BICC1: variants seen among roughly 807,000 people sequenced by gnomAD.
BICC1 encodes BicC family RNA binding protein 1, also known as protein bicaudal C homolog 1.
In BICC1, 43 loss-of-function variants were observed where a neutral mutation model predicts 111.0. The ratio of observed to expected loss-of-function variants is 0.39; its 90% CI spans 0.30 to 0.50. The LOEUF (loss-of-function observed/expected upper bound fraction) is 0.50. Ranked by LOEUF, BICC1 falls within the 20% of genes least tolerant of loss-of-function variation. The probability of loss-of-function intolerance (pLI) is 0.88; values close to 1 mark genes in which losing one functional copy is unlikely to be tolerated. For synonymous variants in BICC1, 467 were observed against 434.4 expected (o/e 1.07, Z -0.93); for missense variants, 1,091 against 1,203.2 (o/e 0.91, Z 1.38).
intron 20 of BICC1, among the ~76,000 whole-genome samples, chr10:58,828,351 C>A (rs908809044): frequency 2.0e-4 from 30 of 152,120 alleles, no homozygotes; most frequent in Admixed American, 1.2e-3. Context: ...TTTTCTGTGC[C>A]ATCAGTCATA....
intron 1 of BICC1, among the ~76,000 whole-genome samples, chr10:58,577,162 C>A (rs1240060473): frequency 2.6e-5 from 4 of 152,086 alleles, no homozygotes; most frequent in Admixed American, 2.6e-4. Context: ...ACTTACCATT[C>A]AGTGGGTGCC....
At chr10:58,788,467 ATTTGCAT>A in intron 6 of BICC1, 44 bp downstream of exon 6, 2 of 1,325,134 alleles carry the variant, frequency 1.5e-6, no homozygotes, top group South Asian at 2.4e-5. Context: ...TGTCAGCAAC[ATTTGCAT>A]TATAAGGCAC....
intron 10 of BICC1, 27 bp from the exon 11 acceptor site, chr10:58,798,372 T>A (rs759494249): frequency 6.6e-7 from 1 of 1,509,340 alleles, no homozygotes; most frequent in East Asian, 2.4e-5. Context: ...TTTATGTGAA[T>A]TGACTTTATA....
intron 2 of BICC1, among the ~76,000 whole-genome samples, chr10:58,621,543 T>C (rs1250145768): frequency 6.6e-6 from 1 of 152,104 alleles, no homozygotes; most frequent in Non-Finnish European, 1.5e-5. Flanking sequence ...CTGGATGCAG[T>C]GGCTCATGCC....
chr10:58,583,918 T>G (rs1331851019), intron 1 of BICC1, among the ~76,000 whole-genome samples: 1 of 152,144 alleles, frequency 6.6e-6, no homozygotes, highest in African/African-American at 2.4e-5. Context: ...TCCTCCTGCC[T>G]TGGCCTCCCA....
chr10:58,651,050 C>G (rs1035402718), intron 2 of BICC1, among the ~76,000 whole-genome samples: 5 of 152,138 alleles, frequency 3.3e-5, no homozygotes, highest in African/African-American at 1.2e-4. Context: ...TTACAAATTA[C>G]TTTTGTAGAC....
chr10:58,629,499 T>G (rs908342850), intron 2 of BICC1, among the ~76,000 whole-genome samples: 2 of 152,218 alleles, frequency 1.3e-5, no homozygotes, highest in Admixed American at 6.5e-5. Context: ...ACTGTAAGTT[T>G]TGCTAAGTAG....
chr10:58,546,478 T>C (rs748586861), intron 1 of BICC1, among the ~76,000 whole-genome samples: 11 of 152,122 alleles, frequency 7.2e-5, no homozygotes, highest in Non-Finnish European at 1.0e-4. Flanking sequence ...TTACGAAAAA[T>C]ATTTATGGGC....
At chr10:58,777,631 C>T (rs549720421) in intron 3 of BICC1, among the ~76,000 whole-genome samples, 1 of 152,234 alleles carries the variant, frequency 6.6e-6, no homozygotes, top group African/African-American at 2.4e-5. Flanking sequence ...CTGAAAATGC[C>T]TAAGGAATTT....
At chr10:58,618,360 C>A (rs943995158) in intron 1 of BICC1, among the ~76,000 whole-genome samples, 2 of 152,238 alleles carry the variant, frequency 1.3e-5, no homozygotes, top group African/African-American at 4.8e-5. Context: ...TACATAACCA[C>A]GTCACGTGAG....
intron 1 of BICC1, among the ~76,000 whole-genome samples, chr10:58,518,878 GCA>G (rs1435449587): frequency 6.6e-6 from 1 of 152,154 alleles, no homozygotes; most frequent in African/African-American, 2.4e-5. Context: ...CATGGAGCAA[GCA>G]CTCTCAGTCA....
At chr10:58,706,951 A>G (rs1388187033) in intron 3 of BICC1, among the ~76,000 whole-genome samples, 1 of 152,242 alleles carries the variant, frequency 6.6e-6, no homozygotes, top group Non-Finnish European at 1.5e-5. Context: ...GGTCAGCATG[A>G]GTGAAGCTTT....
chr10:58,818,167 G>C (rs555315221), intron 19 of BICC1, among the ~76,000 whole-genome samples: 1 of 152,062 alleles, frequency 6.6e-6, no homozygotes, highest in African/African-American at 2.4e-5. Flanking sequence ...GCTGAAGTCT[G>C]TTCTTACAGA....
chr10:58,523,852 AAAGTCT>A (rs1842459038), intron 1 of BICC1, among the ~76,000 whole-genome samples: 1 of 152,224 alleles, frequency 6.6e-6, no homozygotes, highest in East Asian at 1.9e-4. Context: ...CAACTTCAGC[AAAGTCT>A]TAGGATACAA....
At position 58,785,034 on chromosome 10, in the gene BICC1, A is replaced by T; in HGVS notation, c.341A>T (p.Asp114Val). The T allele has an allele frequency of 6.2e-7, 1 of 1,600,580 alleles. No homozygotes were observed. The highest frequency in any genetic ancestry group is 8.5e-7 in the Non-Finnish European group (1 of 1,172,426). ...PHIKVSGKKE[D>V]VKEAKEMIMS... ...ATTAAGGTTTCTGGAAAGAAAGAAG[A>T]TGTTAAAGAAGCCAAGGAAATGATC... Residue 114 changes from aspartate (D) to valine (V), a missense_variant, in exon 4 of 21, where the codon GAT becomes GTT. Asp to Val is a radical substitution (Grantham distance 152, BLOSUM62 -3). Around this residue, in one of 3 missense-constraint regions of BICC1, gnomAD observed 843 missense variants for 900.8 expected, o/e 0.94. Coordinates refer to ENST00000373886, the MANE Select transcript of BICC1 (RefSeq NM_001080512.3).
chr10:58,794,168 TG>T (rs1315145131), intron 9 of BICC1, among the ~76,000 whole-genome samples: 46 of 69,740 alleles, frequency 6.6e-4, no homozygotes, highest in African/African-American at 2.5e-3. Context: ...ACATGTTTTG[TG>T]TGTGTGTGTG....
intron 3 of BICC1, among the ~76,000 whole-genome samples, chr10:58,723,122 C>CA (rs1344766390): frequency 1.3e-5 from 2 of 152,074 alleles, no homozygotes; most frequent in Non-Finnish European, 2.9e-5. Flanking sequence ...GACACATGCC[C>CA]AATAAAATGC....
chr10:58,794,750 G>T (rs1174861157), intron 9 of BICC1, among the ~76,000 whole-genome samples: 6 of 152,120 alleles, frequency 3.9e-5, no homozygotes, highest in Admixed American at 3.9e-4. Flanking sequence ...GTGCTAGTAA[G>T]AATGAGGAAA....
Position 58,513,132 on chromosome 10 carries a change from T to G in BICC1, c.-12T>G. 6.9e-7 allele frequency: 1 copy of G among 1,454,146 alleles called. No individual in the cohort carries two copies. Among genetic ancestry groups the G allele is most frequent in the Non-Finnish European group, 9.0e-7 (1 of 1,106,632 alleles). 90.1% of individuals were successfully genotyped at this position (1,454,146 alleles called of 1,614,324 possible). On this transcript the variant is annotated 5_prime_UTR_variant, in exon 1 of 21. Transcript: ENST00000373886. ...GCGGCGGCAGCGGGAGCCCGAGCGC[T>G]GCGCGCCCACCATGGCCGCCCAGGG...
Sources: allele counts gnomAD v4.1 joint callset (sites outside exome capture counted in the v4.1 genomes callset), GRCh38; gene constraint gnomAD v4.1.1; regional missense constraint gnomAD v4.1.1; transcripts MANE v1.5; gene names NCBI Gene and HGNC (gene_info 2026-07-23, HGNC 2026-07-21).